NRXN3: variants seen among roughly 807,000 people sequenced by gnomAD.
The protein encoded by NRXN3 is neurexin III.
In NRXN3, 32 loss-of-function variants were observed where a neutral mutation model predicts 137.6. The ratio of observed to expected loss-of-function variants is 0.23; its 90% CI spans 0.18 to 0.31. NRXN3 has a LOEUF of 0.31. Ranked by LOEUF, NRXN3 falls within the 10% of genes least tolerant of loss-of-function variation. The pLI, the probability that NRXN3 is intolerant of heterozygous loss-of-function variation, is 1.00. For synonymous variants in NRXN3, 798 were observed against 784.5 expected (o/e 1.02, Z -0.29); for missense variants, 1,574 against 2,062.5 (o/e 0.76, Z 4.59).
At chr14:78,276,559 C>T (rs960920126) in intron 2 of NRXN3, among the ~76,000 whole-genome samples, 1 of 152,152 alleles carries the variant, frequency 6.6e-6, no homozygotes, top group African/African-American at 2.4e-5. Context: ...CATAACACCC[C>T]CATGAGGGAG....
At chr14:78,374,101 A>G (rs1220183282) in intron 4 of NRXN3, among the ~76,000 whole-genome samples, 4 of 152,208 alleles carry the variant, frequency 2.6e-5, no homozygotes, top group African/African-American at 7.2e-5. Context: ...CCACATATAG[A>G]TACGTGTTTA....
At chr14:78,810,111 G>T (rs1305735536) in intron 9 of NRXN3, among the ~76,000 whole-genome samples, 6 of 151,262 alleles carry the variant, frequency 4.0e-5, no homozygotes, top group African/African-American at 1.2e-4. Flanking sequence ...ATGTGTGTGT[G>T]TGTATATATA....
At chr14:79,458,789 C>A (rs2096289128) in intron 15 of NRXN3, among the ~76,000 whole-genome samples, 1 of 152,122 alleles carries the variant, frequency 6.6e-6, no homozygotes, top group Non-Finnish European at 1.5e-5. Context: ...ATAAATTTAC[C>A]CTTCAGAATT....
At chr14:79,582,065 T>C (rs2097721668) in intron 16 of NRXN3, among the ~76,000 whole-genome samples, 1 of 152,128 alleles carries the variant, frequency 6.6e-6, no homozygotes, top group African/African-American at 2.4e-5. Context: ...GCTAGGACTA[T>C]AGGCACCTGC....
intron 15 of NRXN3, among the ~76,000 whole-genome samples, chr14:79,009,161 A>G (rs2099564925): frequency 1.3e-5 from 2 of 152,168 alleles, no homozygotes; most frequent in Admixed American, 6.5e-5. Flanking sequence ...TTAAGTGCTT[A>G]TTAAATACTG....
intron 13 of NRXN3, 141 bp downstream of exon 13, chr14:78,967,539 C>A: frequency 3.1e-6 from 2 of 649,134 alleles, no homozygotes; most frequent in South Asian, 2.2e-5. Flanking sequence ...GTTGAATTAT[C>A]CTGTAATGCA....
At chr14:78,440,577 T>C (rs1432038058) in intron 4 of NRXN3, among the ~76,000 whole-genome samples, 1 of 152,010 alleles carries the variant, frequency 6.6e-6, no homozygotes, top group Non-Finnish European at 1.5e-5. Context: ...AGCTCCAGGA[T>C]CCTCCCCAGG....
chr14:79,583,168 G>T (rs1246359851), intron 16 of NRXN3, among the ~76,000 whole-genome samples: 1 of 152,184 alleles, frequency 6.6e-6, no homozygotes. Context: ...TGGCTAAAAA[G>T]AGGGCTCTGT....
At chr14:78,478,334 T>A (rs1001052693) in intron 4 of NRXN3, among the ~76,000 whole-genome samples, 5 of 152,194 alleles carry the variant, frequency 3.3e-5, no homozygotes, top group African/African-American at 1.2e-4. Flanking sequence ...TTATTAATAC[T>A]GTGTGGGGCC....
chr14:78,978,726 A>AAT (rs1188520943), intron 14 of NRXN3, among the ~76,000 whole-genome samples: 1 of 147,986 alleles, frequency 6.8e-6, no homozygotes, highest in Admixed American at 6.8e-5. Flanking sequence ...TAATATATAA[A>AAT]ATATATATTA....
In NRXN3 at chr14:79,845,775, AGAGG is replaced by A. The variant is rs1344817447; in HGVS notation, c.4094-15563_4094-15560del. The stretch of plus-strand genomic sequence containing the variant: ...GGGAGAGAGAGGGAGACGGGGAGAG[AGAGG>A]GAGACGGGGAGAGAGAGGGAGACGG... On this transcript the variant is annotated intron_variant, in intron 20 of 20. Coordinates refer to ENST00000335750, the MANE Select transcript of NRXN3 (RefSeq NM_001330195.2). Among the ~76,000 whole-genome samples the A allele has an allele frequency of 9.6e-5, 9 of 94,222 alleles. 1 individual carries two copies. Among genetic ancestry groups the A allele is most frequent in the East Asian group, 3.3e-4 (1 of 3,060 alleles). The allele number at this position is 94,222 out of a possible 152,430, so 61.8% of individuals were successfully genotyped here.
intron 4 of NRXN3, among the ~76,000 whole-genome samples, chr14:78,640,445 C>A (rs936753408): frequency 7.9e-5 from 12 of 152,078 alleles, no homozygotes; most frequent in Non-Finnish European, 8.8e-5. Context: ...GAATGGCAGG[C>A]CTAATTAAAC....
rs140528152 is a variant in NRXN3 at position 78,967,270 on chromosome 14, G to A, written c.2840G>A (p.Arg947His). 63 of 1,612,354 alleles carry A rather than the reference G, an allele frequency of 3.9e-5. No individual in the cohort carries two copies. In the Middle Eastern group the frequency reaches 6.6e-4, roughly 17 times the overall value. The change falls in exon 13 of 21, where the codon CGC becomes CAC. Residue 947 changes from arginine to histidine, a missense_variant. Arg to His is a conservative substitution (Grantham distance 29). This residue lies in a region of NRXN3 where 718 missense variants were observed against 887.6 expected (regional missense o/e 0.81). Transcript: ENST00000335750. ...GPNVIKGNSD[R>H]PLNDNQWHNV... ...AATGTGATCAAAGGCAACAGTGACC[G>A]CCCCCTGAATGACAACCAGTGGCAC...
At chr14:79,042,693 A>G (rs1473002338) in intron 15 of NRXN3, among the ~76,000 whole-genome samples, 1 of 152,204 alleles carries the variant, frequency 6.6e-6, no homozygotes. Context: ...TATGATCCTT[A>G]ATGCTGATTT....
intron 14 of NRXN3, 25 bp from the exon 15 acceptor site, chr14:78,987,997 T>C: frequency 6.3e-7 from 1 of 1,593,494 alleles, no homozygotes; most frequent in South Asian, 1.1e-5. Flanking sequence ...TTTTCTTTTT[T>C]TCCCCTCTTC....
At chr14:78,654,828 C>T (rs1401294954) in intron 6 of NRXN3, among the ~76,000 whole-genome samples, 1 of 152,162 alleles carries the variant, frequency 6.6e-6, no homozygotes, top group African/African-American at 2.4e-5. Context: ...TGAGTGAAAT[C>T]ACATGATTGT....
intron 8 of NRXN3, among the ~76,000 whole-genome samples, chr14:78,745,823 G>A (rs895595867): frequency 8.5e-5 from 13 of 152,072 alleles, no homozygotes; most frequent in Admixed American, 2.6e-4. Flanking sequence ...GAAAATAACA[G>A]GAATTATTAG....
chr14:78,246,456 T>C (rs2067695759), intron 2 of NRXN3, among the ~76,000 whole-genome samples: 2 of 152,194 alleles, frequency 1.3e-5, no homozygotes, highest in Admixed American at 1.3e-4. Context: ...ACACACATCC[T>C]AACTCATTTA....
At chr14:79,015,380 G>A (rs1042947662) in intron 15 of NRXN3, among the ~76,000 whole-genome samples, 2 of 152,124 alleles carry the variant, frequency 1.3e-5, no homozygotes, top group African/African-American at 2.4e-5. Context: ...TGCAAACCAC[G>A]GCTGAGAAAG....
Sources: allele counts gnomAD v4.1 joint callset (sites outside exome capture counted in the v4.1 genomes callset), GRCh38; gene constraint gnomAD v4.1.1; regional missense constraint gnomAD v4.1.1; transcripts MANE v1.5; gene names NCBI Gene and HGNC (gene_info 2026-07-23, HGNC 2026-07-21).